The following DYNC1I1 variants were observed in gnomAD, a reference collection of about 807,000 sequenced individuals.
DYNC1I1 encodes cytoplasmic dynein 1 intermediate chain 1.
A neutral mutation model predicts 86.6 loss-of-function variants in DYNC1I1; 43 were observed. The ratio of observed to expected loss-of-function variants is 0.50; its 90% CI spans 0.39 to 0.64. The LOEUF (loss-of-function observed/expected upper bound fraction) is 0.64, where lower values mean the gene tolerates loss of function less well. Among genes scored for constraint, DYNC1I1 ranks in the 30% least tolerant of loss-of-function variants. DYNC1I1 has a pLI of 0.00. For synonymous variants in DYNC1I1, 262 were observed against 283.7 expected (o/e 0.92, Z 0.77); for missense variants, 604 against 788.8 (o/e 0.77, Z 2.81).
At chr7:95,916,503 C>T (rs1765961873) in intron 6 of DYNC1I1, among the ~76,000 whole-genome samples, 1 of 152,108 alleles carries the variant, frequency 6.6e-6, no homozygotes, top group Non-Finnish European at 1.5e-5. Flanking sequence ...AATCAGTAGA[C>T]ATTTGTGTTC....
In DYNC1I1 at chr7:96,098,160, AGGACT is replaced by A. The variant is rs540033765; in HGVS notation, c.*569_*573del. 2.3e-3 allele frequency: 2,291 copies of A among 985,970 alleles called. 5 individuals are homozygous for A. The highest frequency in any genetic ancestry group is 4.0e-3 in the Admixed American group (65 of 16,302). 61.1% of individuals were successfully genotyped at this position (985,970 alleles called of 1,614,324 possible). ...GATCCTAGAGCATGTGCATAATGAGAGGACTGTATTCTCTCTGCTGCTGTTGAGGT... is the reference window on the plus strand; with the variant it reads ...GATCCTAGAGCATGTGCATAATGAGAGTATTCTCTCTGCTGCTGTTGAGGT... On this transcript the variant is annotated 3_prime_UTR_variant, in exon 17 of 17. Coordinates refer to ENST00000447467, the MANE Select transcript of DYNC1I1 (RefSeq NM_001135556.2).
intron 6 of DYNC1I1, among the ~76,000 whole-genome samples, chr7:95,891,361 G>T (rs940930919): frequency 6.6e-6 from 1 of 152,198 alleles, no homozygotes; most frequent in African/African-American, 2.4e-5. Context: ...GTATTCAACG[G>T]TTTTGCGTTT....
At chr7:95,791,654 G>A (rs1794305634) in intron 1 of DYNC1I1, among the ~76,000 whole-genome samples, 1 of 152,146 alleles carries the variant, frequency 6.6e-6, no homozygotes. Flanking sequence ...ATTCAAGACT[G>A]CTGAATTTAT....
chr7:95,784,780 C>T (rs1010676292), intron 1 of DYNC1I1, among the ~76,000 whole-genome samples: 1 of 152,204 alleles, frequency 6.6e-6, no homozygotes, highest in African/African-American at 2.4e-5. Flanking sequence ...CTCCTGTGAA[C>T]ATTGTCTGTA....
chr7:95,774,835 C>G (rs1178469066), intron 1 of DYNC1I1, among the ~76,000 whole-genome samples: 1 of 152,202 alleles, frequency 6.6e-6, no homozygotes, highest in African/African-American at 2.4e-5. Flanking sequence ...TCTAGGTACC[C>G]CTCTTAGTAC....
At chr7:96,028,670 TC>T (rs1794738793) in intron 11 of DYNC1I1, among the ~76,000 whole-genome samples, 2 of 152,196 alleles carry the variant, frequency 1.3e-5, no homozygotes, top group Non-Finnish European at 2.9e-5. Context: ...TTCAAATAGA[TC>T]CTGAAGAGTA....
At chr7:96,064,210 ATCTCTC>A (rs10557179) in intron 14 of DYNC1I1, among the ~76,000 whole-genome samples, 24,947 of 140,860 alleles carry the variant, frequency 0.18, 2,343 homozygotes, top group South Asian at 0.27. Context: ...AAATATTCAT[ATCTCTC>A]TCTCTCTCTC....
At chr7:95,946,548 T>C (rs1214464789) in intron 6 of DYNC1I1, among the ~76,000 whole-genome samples, 1 of 152,176 alleles carries the variant, frequency 6.6e-6, no homozygotes, top group African/African-American at 2.4e-5. Flanking sequence ...ATCCATTACA[T>C]GTTCAAACAT....
At chr7:95,887,506 A>T (rs1447273335) in intron 6 of DYNC1I1, among the ~76,000 whole-genome samples, 1 of 152,062 alleles carries the variant, frequency 6.6e-6, no homozygotes, top group Admixed American at 6.6e-5. Context: ...AGTTGAACAT[A>T]GTATCTCTTT....
chr7:96,043,180 A>AAAAG (rs1181495341), intron 14 of DYNC1I1, among the ~76,000 whole-genome samples: 25 of 151,648 alleles, frequency 1.6e-4, no homozygotes, highest in East Asian at 3.9e-4. Flanking sequence ...AAAAAAAAAA[A>AAAAG]AAAGAAAGAA....
intron 6 of DYNC1I1, among the ~76,000 whole-genome samples, chr7:95,976,696 T>A (rs1234198949): frequency 6.6e-6 from 1 of 152,206 alleles, no homozygotes; most frequent in Non-Finnish European, 1.5e-5. Context: ...TAATTTTTTA[T>A]GTCGTTTTAT....
chr7:96,067,942 A>G (rs546836733), intron 14 of DYNC1I1, among the ~76,000 whole-genome samples: 2 of 152,290 alleles, frequency 1.3e-5, no homozygotes, highest in South Asian at 4.1e-4. Flanking sequence ...TAATTATGAG[A>G]TCAAAGATAT....
intron 16 of DYNC1I1, among the ~76,000 whole-genome samples, chr7:96,080,705 C>T (rs368478337): frequency 1.2e-4 from 19 of 152,264 alleles, no homozygotes; most frequent in African/African-American, 4.3e-4. Flanking sequence ...AATCTAAGCT[C>T]CTTTTAGAGT....
intron 16 of DYNC1I1, among the ~76,000 whole-genome samples, chr7:96,104,768 C>T (rs1791190237): frequency 6.6e-6 from 1 of 152,040 alleles, no homozygotes; most frequent in African/African-American, 2.4e-5. Flanking sequence ...GTCTTGGTTG[C>T]AATAGCTGTG....
intron 10 of DYNC1I1, among the ~76,000 whole-genome samples, chr7:96,001,478 T>G (rs779153628): frequency 6.6e-6 from 1 of 152,304 alleles, no homozygotes. Flanking sequence ...TAACATTGAC[T>G]GGGCGGTTTA....
intron 10 of DYNC1I1, 52 bp from the exon 11 acceptor site, chr7:96,028,123 C>A: frequency 6.3e-7 from 1 of 1,597,436 alleles, no homozygotes; most frequent in South Asian, 1.1e-5. Context: ...AAACAAGTCA[C>A]CTACAACCAT....
intron 6 of DYNC1I1, among the ~76,000 whole-genome samples, chr7:95,942,507 C>T (rs1292923248): frequency 6.6e-6 from 1 of 152,192 alleles, no homozygotes; most frequent in Non-Finnish European, 1.5e-5. Flanking sequence ...AGGGAATCCT[C>T]CCTAACTCAT....
intron 10 of DYNC1I1, among the ~76,000 whole-genome samples, chr7:95,996,435 G>A (rs1793870109): frequency 6.6e-6 from 1 of 152,142 alleles, no homozygotes; most frequent in Non-Finnish European, 1.5e-5. Context: ...ACCATTTCAA[G>A]TCTCCTACTC....
intron 6 of DYNC1I1, among the ~76,000 whole-genome samples, chr7:95,941,817 C>T (rs1453134074): frequency 2.6e-5 from 4 of 152,292 alleles, no homozygotes; most frequent in African/African-American, 4.8e-5. Context: ...CACTGTCCTG[C>T]GCCCACTGTC....
Sources: gnomAD v4.1 joint callset for allele counts (sites outside exome capture counted in the v4.1 genomes callset) on GRCh38, gnomAD v4.1.1 for gene constraint, MANE v1.5 for transcripts, NCBI Gene and HGNC (gene_info 2026-07-23, HGNC 2026-07-21) for gene names.